Variants in CSMD1 observed in about 807,000 individuals in gnomAD.
CSMD1 encodes CUB and Sushi multiple domains 1.
CSMD1 carries 213 observed loss-of-function variants against 417.5 expected under a neutral mutation model. The observed-to-expected ratio is 0.51, with a 90% confidence interval of 0.46 to 0.57. The LOEUF (loss-of-function observed/expected upper bound fraction) is 0.57, where lower values mean the gene tolerates loss of function less well. CSMD1 is among the 20% of genes least tolerant of loss of function. The probability of loss-of-function intolerance (pLI) is 0.00; values close to 1 mark genes in which losing one functional copy is unlikely to be tolerated. For synonymous variants in CSMD1, 2,862 were observed against 1,736.8 expected, an observed-to-expected ratio of 1.65 and a Z score of -16.11; for missense variants, 6,923 against 4,529.7, an observed-to-expected ratio of 1.53 and a Z score of -15.17.
intron 5 of CSMD1, among the ~76,000 whole-genome samples, chr8:3,818,853 T>A (rs938160744): frequency 6.6e-6 from 1 of 152,198 alleles, no homozygotes; most frequent in South Asian, 2.1e-4. Context: ...ATCCCTTGCA[T>A]GATTTAACAG....
intron 37 of CSMD1, among the ~76,000 whole-genome samples, chr8:3,166,370 C>T (rs577289125): frequency 1.3e-5 from 2 of 151,924 alleles, no homozygotes; most frequent in African/African-American, 4.8e-5. Context: ...CCCGTCTCGA[C>T]CACAAATGCA....
intron 1 of CSMD1, among the ~76,000 whole-genome samples, chr8:4,966,254 C>G (rs1033632359): frequency 3.3e-5 from 5 of 150,588 alleles, no homozygotes; most frequent in Admixed American, 2.6e-4. Context: ...TGGCACATGC[C>G]TGTAATCCCA....
At chr8:3,602,643 G>A (rs1801418209) in intron 8 of CSMD1, among the ~76,000 whole-genome samples, 1 of 151,696 alleles carries the variant, frequency 6.6e-6, no homozygotes, top group African/African-American at 2.4e-5. Flanking sequence ...AAGAGTCACA[G>A]GGTGTTATAA....
chr8:3,327,644 G>A (rs1806620788), intron 23 of CSMD1, among the ~76,000 whole-genome samples: 1 of 152,104 alleles, frequency 6.6e-6, no homozygotes. Flanking sequence ...TAAAGTTTGA[G>A]GTAGACCACT....
chr8:3,548,512 G>C lies in CSMD1; in HGVS notation c.1344+26433C>G, dbSNP rs537531561. On this transcript the variant is annotated intron_variant, in intron 10 of 69. Transcript: ENST00000635120. The stretch of plus-strand genomic sequence containing the variant: ...ACTCTTATGCCTTTCCATCCTCATA[G>C]CTTAGCTCCTGCTTGGAATGAGAAC... Among the ~76,000 whole-genome samples, 5 of 151,872 alleles carry C rather than the reference G, an allele frequency of 3.3e-5. No individual in the cohort carries two copies. The East Asian group carries it at 7.8e-4, about 24-fold the overall frequency.
intron 5 of CSMD1, among the ~76,000 whole-genome samples, chr8:3,965,511 G>C (rs1003437506): frequency 6.6e-6 from 1 of 152,196 alleles, no homozygotes; most frequent in African/African-American, 2.4e-5. Flanking sequence ...AAAAACTATG[G>C]TTCGGCTGAA....
intron 6 of CSMD1, among the ~76,000 whole-genome samples, chr8:3,751,792 T>A (rs1216790761): frequency 6.6e-6 from 1 of 152,122 alleles, no homozygotes; most frequent in Non-Finnish European, 1.5e-5. Context: ...AATGCCAAGT[T>A]CACTGATCAG....
intron 1 of CSMD1, among the ~76,000 whole-genome samples, chr8:4,783,001 G>A (rs1797226747): frequency 1.3e-5 from 2 of 150,298 alleles, no homozygotes; most frequent in African/African-American, 4.9e-5. Context: ...TCAAATGTGA[G>A]ATCCAGATGG....
intron 3 of CSMD1, among the ~76,000 whole-genome samples, chr8:4,036,259 A>T (rs1797611305): frequency 1.3e-5 from 2 of 152,220 alleles, no homozygotes; most frequent in African/African-American, 4.8e-5. Flanking sequence ...GCATGACTGC[A>T]TGTAACATAT....
chr8:4,209,813 T>C lies in CSMD1; in HGVS notation c.416-177714A>G, dbSNP rs535443288. Among the ~76,000 whole-genome samples the C allele has an allele frequency of 2.0e-5, 3 of 152,292 alleles. No homozygotes were observed. The South Asian group carries it at 6.2e-4, about 32-fold the overall frequency. ...CTCAGAGGCTGTTCTACACTCATAT[T>C]TATATCCACTTTCAATTACATGCAA... On this transcript the variant is annotated intron_variant, in intron 3 of 69. Transcript: ENST00000635120.
intron 2 of CSMD1, among the ~76,000 whole-genome samples, chr8:4,477,278 G>A (rs562186152): frequency 1.3e-5 from 2 of 152,262 alleles, no homozygotes; most frequent in Admixed American, 1.3e-4. Context: ...AGGTGTGGAC[G>A]GTGGAGGCTG....
intron 2 of CSMD1, among the ~76,000 whole-genome samples, chr8:4,623,687 C>T (rs2725019): frequency 0.18 from 27,357 of 151,864 alleles, 2,742 homozygotes; most frequent in African/African-American, 0.28. Flanking sequence ...TGTGGATGGA[C>T]CTCAAAATCA....
chr8:3,842,559 C>G (rs781563312), intron 5 of CSMD1, among the ~76,000 whole-genome samples: 25 of 151,958 alleles, frequency 1.6e-4, no homozygotes, highest in Non-Finnish European at 7.4e-5. Flanking sequence ...ATCCTGGGGA[C>G]ACAGTAGTAG....
chr8:4,587,102 C>T (rs900033489), intron 2 of CSMD1, among the ~76,000 whole-genome samples: 9 of 152,154 alleles, frequency 5.9e-5, no homozygotes, highest in African/African-American at 1.7e-4. Flanking sequence ...CAATATCCTA[C>T]AGAGGCCAAT....
chr8:3,940,144 T>C (rs1265386613), intron 5 of CSMD1, among the ~76,000 whole-genome samples: 1 of 152,188 alleles, frequency 6.6e-6, no homozygotes, highest in African/African-American at 2.4e-5. Context: ...CTATACAAGT[T>C]ATTTTAAGCT....
intron 1 of CSMD1, among the ~76,000 whole-genome samples, chr8:4,880,121 C>T (rs1275309399): frequency 6.6e-6 from 1 of 152,104 alleles, no homozygotes; most frequent in Non-Finnish European, 1.5e-5. Flanking sequence ...CTAAGAAACT[C>T]TGCCACTTTC....
At chr8:4,007,260 G>C (rs534856037) in intron 4 of CSMD1, among the ~76,000 whole-genome samples, 18 of 152,214 alleles carry the variant, frequency 1.2e-4, no homozygotes, top group African/African-American at 4.3e-4. Flanking sequence ...TAAAACCAAA[G>C]CTTACCAGGC....
intron 10 of CSMD1, among the ~76,000 whole-genome samples, chr8:3,494,200 TCTC>T (rs1294586648): frequency 6.6e-6 from 1 of 152,180 alleles, no homozygotes; most frequent in Non-Finnish European, 1.5e-5. Context: ...GATACAAAGC[TCTC>T]CTCTATATTT....
At chr8:4,196,978 C>T (rs28373596) in intron 3 of CSMD1, among the ~76,000 whole-genome samples, 25,248 of 152,078 alleles carry the variant, frequency 0.17, 2,193 homozygotes, top group South Asian at 0.21. Context: ...CCTCACCGCC[C>T]CTCACAATAT....
Sources: gnomAD v4.1 joint callset for allele counts (sites outside exome capture counted in the v4.1 genomes callset) on GRCh38, gnomAD v4.1.1 for gene constraint, MANE v1.5 for transcripts, NCBI Gene and HGNC (gene_info 2026-07-23, HGNC 2026-07-21) for gene names.